Variants in TMEM248 observed in about 807,000 individuals in gnomAD.
TMEM248 encodes transmembrane protein 248.
A neutral mutation model predicts 30.3 loss-of-function variants in TMEM248; 9 were observed. That is an observed-to-expected ratio of 0.30 (90% confidence interval 0.18 to 0.52). The LOEUF is 0.52. Ranked by LOEUF, TMEM248 falls within the 20% of genes least tolerant of loss-of-function variation. The pLI is 0.97. For missense variants in TMEM248, 338 were observed against 403.3 expected (o/e 0.84, Z 1.39); for synonymous variants, 184 against 154.4 (o/e 1.19, Z -1.42).
At chr7:66,930,075 G>T (rs868814011) in intron 1 of TMEM248, among the ~76,000 whole-genome samples, 1 of 152,124 alleles carries the variant, frequency 6.6e-6, no homozygotes, top group South Asian at 2.1e-4. Flanking sequence ...TGGGAGGATC[G>T]CTTGCGCCCA....
chr7:66,922,099 G>A (rs1434244146), intron 1 of TMEM248: 5 of 152,222 alleles, frequency 3.3e-5, no homozygotes, highest in Non-Finnish European at 7.3e-5. Context: ...AGCTGGTGAG[G>A]AGGCCTTTGT....
At chr7:66,922,452 G>A (rs2129219328) in intron 1 of TMEM248, among the ~76,000 whole-genome samples, 1 of 152,204 alleles carries the variant, frequency 6.6e-6, no homozygotes, top group Admixed American at 6.5e-5. Flanking sequence ...ATTCTGACAG[G>A]AAATAGACCT....
chr7:66,951,504 T>C (rs1297325234), intron 5 of TMEM248, among the ~76,000 whole-genome samples: 1 of 152,044 alleles, frequency 6.6e-6, no homozygotes, highest in Non-Finnish European at 1.5e-5. Flanking sequence ...GAACAAGAAA[T>C]AGTGCTGCTT....
At position 66,951,039 on chromosome 7, in the gene TMEM248, A is replaced by C; in HGVS notation, c.684A>C (p.Lys228Asn). The C allele has an allele frequency of 6.2e-7, 1 of 1,613,410 alleles. No homozygotes were observed. Among genetic ancestry groups the C allele is most frequent in the Non-Finnish European group, 8.5e-7 (1 of 1,179,832 alleles). The stretch of plus-strand genomic sequence containing the variant: ...CAACTGCCAGAGATGCCAACACAAA[A>C]TACGCCCAAGATTACAATCCTTTCT... ...IFTTARDANT[K>N]YAQDYNPFWC... The change falls in exon 5 of 7, where the codon AAA (lysine) becomes AAC (asparagine). Residue 228 changes from lysine (K) to asparagine (N), a missense_variant. Lys to Asn is a moderately conservative substitution (Grantham distance 94). Transcript: ENST00000341567.
At chr7:66,928,581 C>T (rs1184546603) in intron 1 of TMEM248, among the ~76,000 whole-genome samples, 1 of 152,102 alleles carries the variant, frequency 6.6e-6, no homozygotes, top group Non-Finnish European at 1.5e-5. Context: ...TGGCACGGTG[C>T]CTGGGAATGG....
At chr7:66,954,612 G>C (rs1792358929) in intron 6 of TMEM248, among the ~76,000 whole-genome samples, 1 of 151,938 alleles carries the variant, frequency 6.6e-6, no homozygotes, top group Non-Finnish European at 1.5e-5. Flanking sequence ...GCCTAGGCTG[G>C]TCTTGAATTC....
chr7:66,940,294 G>A (rs565143158), intron 1 of TMEM248, among the ~76,000 whole-genome samples: 2 of 152,266 alleles, frequency 1.3e-5, no homozygotes, highest in African/African-American at 2.4e-5. Context: ...GGAAATGTTT[G>A]GGGAAAGCAT....
chr7:66,928,369 T>A (rs891454833), intron 1 of TMEM248, among the ~76,000 whole-genome samples: 3 of 152,166 alleles, frequency 2.0e-5, no homozygotes, highest in Non-Finnish European at 4.4e-5. Flanking sequence ...CTTGAAACTG[T>A]CTTATCAACC....
chr7:66,928,639 G>A (rs904227276), intron 1 of TMEM248, among the ~76,000 whole-genome samples: 5 of 152,100 alleles, frequency 3.3e-5, no homozygotes, highest in Non-Finnish European at 5.9e-5. Context: ...TCACTCCTTC[G>A]TCCTTGTCAC....
chr7:66,927,740 A>C (rs1050674134), intron 1 of TMEM248, among the ~76,000 whole-genome samples: 14 of 151,854 alleles, frequency 9.2e-5, no homozygotes, highest in African/African-American at 3.4e-4. Context: ...TACAGGCATG[A>C]AACACCATGC....
At chr7:66,930,025 T>C (rs556137789) in intron 1 of TMEM248, among the ~76,000 whole-genome samples, 63 of 151,980 alleles carry the variant, frequency 4.1e-4, no homozygotes, top group African/African-American at 1.5e-3. Flanking sequence ...CCAGGAGTGG[T>C]AGCATGCACT....
At chr7:66,925,904 G>A (rs1791510433) in intron 1 of TMEM248, among the ~76,000 whole-genome samples, 1 of 151,854 alleles carries the variant, frequency 6.6e-6, no homozygotes, top group African/African-American at 2.4e-5. Context: ...GCCTCCCAAA[G>A]TGCTGGGATT....
intron 3 of TMEM248, among the ~76,000 whole-genome samples, chr7:66,947,857 G>A (rs927591222): frequency 3.3e-5 from 5 of 151,790 alleles, no homozygotes; most frequent in Non-Finnish European, 5.9e-5. Context: ...CAAACTCCTG[G>A]GCTCAAGTGA....
At chr7:66,942,967 C>A (rs983626064) in intron 2 of TMEM248, among the ~76,000 whole-genome samples, 1 of 150,582 alleles carries the variant, frequency 6.6e-6, no homozygotes, top group African/African-American at 2.4e-5. Flanking sequence ...TAATTGAGAT[C>A]GTAGCTTTCT....
intron 1 of TMEM248, 121 bp downstream of exon 1, chr7:66,921,582 G>C (rs967738958): frequency 2.6e-5 from 4 of 152,266 alleles, no homozygotes; most frequent in African/African-American, 9.6e-5. Context: ...CCGCTTCTCA[G>C]GGTGCAGACC....
chr7:66,942,139 A>T, intron 2 of TMEM248, 115 bp downstream of exon 2: 1 of 1,132,596 alleles, frequency 8.8e-7, no homozygotes, highest in Non-Finnish European at 1.3e-6. Flanking sequence ...AGTGAGAAAA[A>T]TCAGTATTTA....
intron 1 of TMEM248, chr7:66,930,797 C>G (rs900198617): frequency 6.6e-6 from 1 of 152,524 alleles, no homozygotes; most frequent in Non-Finnish European, 1.5e-5. Context: ...TTTGTAACCC[C>G]GGCCTTAAAG....
chr7:66,933,104 C>T (rs1791710059), intron 1 of TMEM248, among the ~76,000 whole-genome samples: 1 of 152,156 alleles, frequency 6.6e-6, no homozygotes. Flanking sequence ...AGGTGATCCG[C>T]CTGCTTCGAC....
At chr7:66,924,913 G>A (rs1320906479) in intron 1 of TMEM248, among the ~76,000 whole-genome samples, 1 of 151,344 alleles carries the variant, frequency 6.6e-6, no homozygotes, top group Non-Finnish European at 1.5e-5. Flanking sequence ...GTTTCGCCAT[G>A]TTGGTCAGGC....
Sources: allele counts gnomAD v4.1 joint callset (sites outside exome capture counted in the v4.1 genomes callset), GRCh38; gene constraint gnomAD v4.1.1; transcripts MANE v1.5; gene names NCBI Gene and HGNC (gene_info 2026-07-23, HGNC 2026-07-21).